Variants in SYNE2 observed in about 807,000 individuals in gnomAD.
SYNE2 encodes spectrin repeat containing nuclear envelope protein 2.
Under a neutral mutation model 856.3 loss-of-function variants are expected in SYNE2, and 431 were observed. That is an observed-to-expected ratio of 0.50 (90% CI 0.47 to 0.55). SYNE2 has a LOEUF of 0.55. Ranked by LOEUF, SYNE2 falls within the 20% of genes least tolerant of loss-of-function variation. The pLI, the probability that SYNE2 is intolerant of heterozygous loss-of-function variation, is 0.00. For synonymous variants in SYNE2, 2,923 were observed against 2,872.3 expected, an observed-to-expected ratio of 1.02 and a Z score of -0.56; for missense variants, 8,129 against 8,023.2, an observed-to-expected ratio of 1.01 and a Z score of -0.50.
At chr14:63,931,845 C>G (rs1284228856) in intron 2 of SYNE2, among the ~76,000 whole-genome samples, 1 of 152,116 alleles carries the variant, frequency 6.6e-6, no homozygotes, top group African/African-American at 2.4e-5. Flanking sequence ...GTCTTGAACT[C>G]CTCCTGGACT....
chr14:63,983,848 T>A lies in SYNE2; in HGVS notation c.2113T>A (p.Ser705Thr). 6.3e-7 allele frequency: 1 copy of A among 1,585,416 alleles called. No individual in the cohort carries two copies. Among genetic ancestry groups the A allele is most frequent in the Non-Finnish European group, 8.6e-7 (1 of 1,156,194 alleles). ...AACTGTTGAGTTTTCAACAGATATG[T>A]CAGTAGAACTTCCTGAAAATTATAA... ...KATVEFSTDMSVELPENYNQN... is the reference protein window; with the variant it reads ...KATVEFSTDMTVELPENYNQN... The change falls in exon 18 of 116, where the codon TCA (serine) becomes ACA (threonine). Residue 705 changes from serine to threonine, a missense_variant. Around this residue, in one of 3 missense-constraint regions of SYNE2, gnomAD observed 2,422 missense variants for 2,357.4 expected, o/e 1.03. Transcript: ENST00000555002.
chr14:63,982,902 C>A (rs375480622), intron 17 of SYNE2, 108 bp downstream of exon 17: 1 of 1,108,984 alleles, frequency 9.0e-7, no homozygotes, highest in Non-Finnish European at 1.3e-6. Context: ...TGCACAGTTA[C>A]GTAGCCATTA....
chr14:64,050,319 A>G (rs1026489894), intron 47 of SYNE2, among the ~76,000 whole-genome samples: 6 of 152,164 alleles, frequency 3.9e-5, no homozygotes, highest in Non-Finnish European at 7.3e-5. Flanking sequence ...TCTTAGTGCT[A>G]TTACATTGGT....
intron 6 of SYNE2, among the ~76,000 whole-genome samples, chr14:63,944,007 G>A (rs1160158163): frequency 6.6e-6 from 1 of 151,566 alleles, no homozygotes; most frequent in East Asian, 1.9e-4. Flanking sequence ...ACCAAATATG[G>A]TAAAATGTTA....
chr14:63,856,774 CTTATT>C (rs1891857126), intron 1 of SYNE2, among the ~76,000 whole-genome samples: 1 of 151,870 alleles, frequency 6.6e-6, no homozygotes, highest in African/African-American at 2.4e-5. Flanking sequence ...TGTAAATTCA[CTTATT>C]TTATTTTTTT....
At chr14:64,177,622 A>T in intron 96 of SYNE2, 139 bp downstream of exon 96, 2 of 1,105,402 alleles carry the variant, frequency 1.8e-6, no homozygotes, top group South Asian at 1.4e-5. Context: ...TGTCTAACAT[A>T]ACATGCTCGT....
chr14:63,843,931 A>G (rs893540749), intron 1 of SYNE2, among the ~76,000 whole-genome samples: 1 of 152,156 alleles, frequency 6.6e-6, no homozygotes, highest in Non-Finnish European at 1.5e-5. Flanking sequence ...GCATTCCCAT[A>G]TACTGCCCTC....
At chr14:64,143,107 G>A (rs1201888279) in intron 82 of SYNE2, among the ~76,000 whole-genome samples, 1 of 152,184 alleles carries the variant, frequency 6.6e-6, no homozygotes, top group East Asian at 1.9e-4. Context: ...GTCTACACGT[G>A]TATATTCTCA....
intron 1 of SYNE2, among the ~76,000 whole-genome samples, chr14:63,896,507 T>C (rs1372354137): frequency 1.3e-5 from 2 of 152,218 alleles, no homozygotes; most frequent in Admixed American, 1.3e-4. Context: ...TTTCTTGTAA[T>C]CCAGTGTTTG....
At chr14:64,077,158 T>C (rs561904350) in intron 54 of SYNE2, among the ~76,000 whole-genome samples, 8 of 152,276 alleles carry the variant, frequency 5.3e-5, no homozygotes, top group Non-Finnish European at 8.8e-5. Context: ...CTAATTTTTA[T>C]TGTGTGATAC....
At chr14:64,143,726 G>T in intron 82 of SYNE2, 46 bp from the exon 83 acceptor site, 1 of 1,605,522 alleles carries the variant, frequency 6.2e-7, no homozygotes, top group South Asian at 1.1e-5. Flanking sequence ...CATTTGATCT[G>T]ACCAACATTC....
chr14:64,033,856 T>C (rs908471209), intron 45 of SYNE2, among the ~76,000 whole-genome samples: 36 of 152,336 alleles, frequency 2.4e-4, no homozygotes, highest in African/African-American at 8.4e-4. Context: ...CCTCAAATAA[T>C]TTTCATAAGT....
intron 32 of SYNE2, among the ~76,000 whole-genome samples, chr14:64,012,409 C>T (rs977524667): frequency 2.6e-5 from 4 of 152,140 alleles, no homozygotes; most frequent in African/African-American, 9.7e-5. Context: ...GGGGAGAAAA[C>T]AGAGACAAAC....
chr14:64,075,653 A>T (rs192233034), intron 53 of SYNE2: 2 of 339,114 alleles, frequency 5.9e-6, no homozygotes, highest in Non-Finnish European at 1.1e-5. Flanking sequence ...TGCAATGGAG[A>T]TACAATTAAA....
chr14:63,787,225 G>T (rs1452904552), intron 1 of SYNE2, among the ~76,000 whole-genome samples: 1 of 152,304 alleles, frequency 6.6e-6, no homozygotes, highest in Non-Finnish European at 1.5e-5. Flanking sequence ...ATTTTGAAAT[G>T]TATGATTAAT....
intron 33 of SYNE2, 152 bp from the exon 34 acceptor site, chr14:64,017,443 T>C (rs976119040): frequency 1.6e-6 from 1 of 618,856 alleles, no homozygotes; most frequent in African/African-American, 1.9e-5. Flanking sequence ...AAGAACTACA[T>C]GATATGTTAA....
At position 64,209,541 on chromosome 14, in the gene SYNE2, T is replaced by G; in HGVS notation, c.18503T>G (p.Leu6168Trp). The G allele has an allele frequency of 6.2e-7, 1 of 1,614,202 alleles. No individual in the cohort carries two copies. The highest frequency in any genetic ancestry group is 8.5e-7 in the Non-Finnish European group (1 of 1,180,040). Residue 6168 changes from leucine (L) to tryptophan (W), a missense_variant, in exon 102 of 116, where the codon TTG becomes TGG. Leu to Trp is a moderately conservative substitution (Grantham distance 61). This residue lies in a region of SYNE2 where 5,410 missense variants were observed against 5,284.8 expected (regional missense o/e 1.02). Transcript: ENST00000555002. ...GCCTGCCCAAATTCCTCAGAGGTGT[T>G]GTACACGAGTGCCAAAGAGGAACTG... ...TAACPNSSEV[L>W]YTSAKEELKR...
At chr14:63,856,256 C>T (rs1168527768) in intron 1 of SYNE2, among the ~76,000 whole-genome samples, 1 of 152,180 alleles carries the variant, frequency 6.6e-6, no homozygotes, top group Non-Finnish European at 1.5e-5. Flanking sequence ...GCCTATTAGC[C>T]CTTTTTATGG....
rs766411112 is a variant in SYNE2 at position 64,049,602 on chromosome 14, T to G, written c.7378-9T>G. ...TGTTTATTGACTGATCTGTGTGACT[T>G]ATTTTTAGAAATTATATACCCAGTT... On this transcript the variant is annotated splice_polypyrimidine_tract_variant and intron_variant, in intron 46 of 115. Transcript: ENST00000555002. 1.2e-6 allele frequency: 2 copies of G among 1,613,834 alleles called. No homozygotes were observed. Among genetic ancestry groups the G allele is most frequent in the African/African-American group, 1.3e-5 (1 of 74,916 alleles).
Sources: gnomAD v4.1 joint callset for allele counts (sites outside exome capture counted in the v4.1 genomes callset) on GRCh38, gnomAD v4.1.1 for gene constraint, gnomAD v4.1.1 regional missense constraint, MANE v1.5 for transcripts, NCBI Gene and HGNC (gene_info 2026-07-23, HGNC 2026-07-21) for gene names.